The following BFSP2 variants were observed in gnomAD, a reference collection of about 807,000 sequenced individuals.
BFSP2 encodes phakinin.
BFSP2 carries 38 observed loss-of-function variants against 44.9 expected under a neutral mutation model. That is an observed-to-expected ratio of 0.85 (90% CI 0.65 to 1.11). The LOEUF is 1.11. Among genes scored for constraint, BFSP2 ranks in the 50% least tolerant of loss-of-function variants. The probability of loss-of-function intolerance (pLI) is 0.00; values close to 1 mark genes in which losing one functional copy is unlikely to be tolerated. For synonymous variants in BFSP2, 197 were observed against 209.9 expected, an observed-to-expected ratio of 0.94 and a Z score of 0.53; for missense variants, 525 against 533.0, an observed-to-expected ratio of 0.99 and a Z score of 0.15.
intron 1 of BFSP2, among the ~76,000 whole-genome samples, chr3:133,441,897 T>C (rs2073848799): frequency 1.3e-5 from 2 of 152,026 alleles, no homozygotes; most frequent in African/African-American, 4.8e-5. Context: ...GTGACCAGAA[T>C]GAGGGAGCTA....
At chr3:133,409,158 GA>G (rs1200621104) in intron 1 of BFSP2, among the ~76,000 whole-genome samples, 1 of 152,110 alleles carries the variant, frequency 6.6e-6, no homozygotes, top group South Asian at 2.1e-4. Context: ...AAAGACAACA[GA>G]AAAAAACCCA....
At chr3:133,423,033 T>G (rs550947019) in intron 1 of BFSP2, among the ~76,000 whole-genome samples, 29 of 152,322 alleles carry the variant, frequency 1.9e-4, no homozygotes, top group Non-Finnish European at 1.6e-4. Context: ...TGAGCTTCTT[T>G]GTTACACTGA....
intron 1 of BFSP2, among the ~76,000 whole-genome samples, chr3:133,411,180 GAAAA>G (rs10599643): frequency 0.24 from 30,671 of 129,568 alleles, 3,368 homozygotes; most frequent in East Asian, 0.38. Context: ...GTATAACACC[GAAAA>G]AAAAAAAAAA....
At chr3:133,457,485 G>T (rs997024417) in intron 4 of BFSP2, among the ~76,000 whole-genome samples, 2 of 152,094 alleles carry the variant, frequency 1.3e-5, no homozygotes, top group African/African-American at 4.8e-5. Context: ...TTCTATGGGG[G>T]TCAATCAATG....
In BFSP2 at chr3:133,450,394, C is replaced by G. The variant is rs186574158; in HGVS notation, c.821C>G (p.Thr274Arg). ...ACTGGTCTGGACGACATCCTTGAGA[C>G]GATCAGAATTCAGTGGGAGAGAGAT... ...IGTGLDDILE[T>R]IRIQWERDVE... is the part of the protein sequence containing the mutation. Residue 274 changes from threonine (T) to arginine (R), a missense_variant, in exon 4 of 7, where the codon ACG (threonine) becomes AGG (arginine). Coordinates refer to ENST00000302334, the MANE Select transcript of BFSP2 (RefSeq NM_003571.4). 1 of 1,614,098 alleles carries G rather than the reference C, an allele frequency of 6.2e-7. No individual in the cohort carries two copies. The highest frequency in any genetic ancestry group is 1.7e-5 in the Admixed American group (1 of 60,020).
intron 1 of BFSP2, among the ~76,000 whole-genome samples, chr3:133,420,959 C>T (rs1250652771): frequency 6.6e-6 from 1 of 152,178 alleles, no homozygotes; most frequent in East Asian, 1.9e-4. Context: ...CAAGAGAGGC[C>T]CTGGCCCTGT....
At chr3:133,411,971 A>G (rs1218177924) in intron 1 of BFSP2, among the ~76,000 whole-genome samples, 1 of 152,260 alleles carries the variant, frequency 6.6e-6, no homozygotes, top group Admixed American at 6.5e-5. Flanking sequence ...ACGAGAAAAG[A>G]TAAACACTAT....
At chr3:133,474,930 CTCACCCATTGCT>C in intron 6 of BFSP2, 27 bp from the exon 7 acceptor site, 1 of 1,613,634 alleles carries the variant, frequency 6.2e-7, no homozygotes, top group Non-Finnish European at 8.5e-7. Flanking sequence ...ACCGATTTTC[CTCACCCATTGCT>C]TCTGACTCCT....
intron 5 of BFSP2, among the ~76,000 whole-genome samples, chr3:133,468,427 G>T (rs796827990): frequency 1.6e-4 from 25 of 152,306 alleles, no homozygotes; most frequent in African/African-American, 5.3e-4. Flanking sequence ...CTCATTCTGT[G>T]ATTTAGGCAG....
intron 1 of BFSP2, among the ~76,000 whole-genome samples, chr3:133,424,039 C>CTTT (rs148089425): frequency 7.1e-6 from 1 of 141,102 alleles, no homozygotes. Flanking sequence ...TTCTCTTCTG[C>CTTT]TTTTTTTTTT....
At chr3:133,461,779 T>C (rs1035211787) in intron 4 of BFSP2, among the ~76,000 whole-genome samples, 1 of 152,224 alleles carries the variant, frequency 6.6e-6, no homozygotes, top group Admixed American at 6.5e-5. Flanking sequence ...TTAAAACTTG[T>C]AGTGATCAAA....
intron 4 of BFSP2, among the ~76,000 whole-genome samples, chr3:133,461,359 C>CA (rs1409042347): frequency 2.0e-5 from 3 of 152,190 alleles, no homozygotes; most frequent in Non-Finnish European, 4.4e-5. Flanking sequence ...AAAATGTCGA[C>CA]ATGCTCTCCT....
At chr3:133,428,193 C>G (rs559264110) in intron 1 of BFSP2, among the ~76,000 whole-genome samples, 167 of 152,220 alleles carry the variant, frequency 1.1e-3, no homozygotes, top group South Asian at 6.4e-3. Context: ...ATTCCTGAGA[C>G]GCAAAGCCCA....
chr3:133,409,554 G>A (rs1366218776), intron 1 of BFSP2, among the ~76,000 whole-genome samples: 1 of 149,218 alleles, frequency 6.7e-6, no homozygotes, highest in Non-Finnish European at 1.5e-5. Flanking sequence ...CTAAAAGAAT[G>A]GGGGGCTCCT....
At chr3:133,441,787 A>T (rs1191353982) in intron 1 of BFSP2, among the ~76,000 whole-genome samples, 1 of 152,244 alleles carries the variant, frequency 6.6e-6, no homozygotes, top group African/African-American at 2.4e-5. Flanking sequence ...AAAATAATTT[A>T]AAAACCATAA....
chr3:133,459,914 C>T (rs909533103), intron 4 of BFSP2, among the ~76,000 whole-genome samples: 1 of 152,358 alleles, frequency 6.6e-6, no homozygotes, highest in East Asian at 1.9e-4. Flanking sequence ...TAGTCCCTAG[C>T]ATGTGCCTGG....
chr3:133,420,480 C>T (rs1036896883), intron 1 of BFSP2, among the ~76,000 whole-genome samples: 26 of 152,146 alleles, frequency 1.7e-4, no homozygotes, highest in African/African-American at 6.0e-4. Flanking sequence ...AGAATCACCG[C>T]GTGCCCTTGT....
rs57060416 is a variant in BFSP2, at chr3:133,436,325, CA to C, written c.490-10971del. On this transcript the variant is annotated intron_variant, in intron 1 of 6. Coordinates refer to ENST00000302334, the MANE Select transcript of BFSP2 (RefSeq NM_003571.4). ...AGGGTGACAGAGAGAGACTCTGTCT[CA>C]AAAAAAAAAAAAAAAAAAAATCTAT... Among the ~76,000 whole-genome samples, 705 of 78,094 alleles carry C rather than the reference CA, an allele frequency of 9.0e-3. 1 individual carries two copies. The highest frequency in any genetic ancestry group is 0.022 in the African/African-American group (478 of 22,166). The allele number at this position is 78,094 out of a possible 152,430, so 51.2% of individuals were successfully genotyped here. A position where few individuals can be genotyped will look rare whatever the true frequency, so the allele number is the denominator to read the frequency against.
At chr3:133,460,632 T>TA (rs1291446006) in intron 4 of BFSP2, among the ~76,000 whole-genome samples, 1 of 152,180 alleles carries the variant, frequency 6.6e-6, no homozygotes. Flanking sequence ...CCCGGGGGGC[T>TA]AAAAGTTATG....
Sources: allele counts gnomAD v4.1 joint callset (sites outside exome capture counted in the v4.1 genomes callset), GRCh38; gene constraint gnomAD v4.1.1; transcripts MANE v1.5; gene names NCBI Gene and HGNC (gene_info 2026-07-23, HGNC 2026-07-21).